METTL16: variants seen among roughly 807,000 people sequenced by gnomAD.
METTL16 encodes the protein methyltransferase 16, RNA N6-adenosine.
In METTL16, 19 loss-of-function variants were observed where a neutral mutation model predicts 57.9. The observed-to-expected ratio is 0.33, with a 90% CI of 0.23 to 0.48. The LOEUF (loss-of-function observed/expected upper bound fraction) is 0.48, where lower values mean the gene tolerates loss of function less well. METTL16 is among the 20% of genes least tolerant of loss of function. METTL16 has a pLI of 0.99. For synonymous variants in METTL16, 246 were observed against 255.6 expected, an observed-to-expected ratio of 0.96 and a Z score of 0.36; for missense variants, 434 against 691.5, an observed-to-expected ratio of 0.63 and a Z score of 4.18.
intron 6 of METTL16, among the ~76,000 whole-genome samples, chr17:2,462,271 G>A (rs1006571993): frequency 1.3e-5 from 2 of 152,162 alleles, no homozygotes; most frequent in South Asian, 4.1e-4. Flanking sequence ...AGTGCCTAGA[G>A]TAGTCAAGTT....
intron 3 of METTL16, chr17:2,475,252 G>A (rs982681544): frequency 2.6e-5 from 4 of 152,164 alleles, no homozygotes; most frequent in Non-Finnish European, 4.4e-5. Context: ...ATTTTTGCCC[G>A]AGGGTATCCT....
chr17:2,451,534 T>C (rs2067069704), intron 6 of METTL16, among the ~76,000 whole-genome samples: 1 of 150,840 alleles, frequency 6.6e-6, no homozygotes, highest in African/African-American at 2.4e-5. Context: ...AGCAGGAGAA[T>C]CGCTTGAACC....
intron 8 of METTL16, among the ~76,000 whole-genome samples, chr17:2,427,141 G>A (rs2066826145): frequency 6.6e-6 from 1 of 152,060 alleles, no homozygotes; most frequent in Non-Finnish European, 1.5e-5. Flanking sequence ...GCAAGACCCT[G>A]GCTCAAAAAT....
At chr17:2,497,069 A>ATCTCGGCTCACTGCAACGGCACG (rs2067450915) in intron 2 of METTL16, among the ~76,000 whole-genome samples, 1 of 151,392 alleles carries the variant, frequency 6.6e-6, no homozygotes, top group African/African-American at 2.5e-5. Context: ...GCAGTGGCAC[A>ATCTCGGCTCACTGCAACGGCACG]ATCTCGGCTC....
Position 2,418,338 on chromosome 17 carries a change from C to G in METTL16, c.*1632G>C, listed in dbSNP as rs546026567. The G allele has an allele frequency of 6.6e-6, 1 of 152,448 alleles. No homozygotes were observed. The highest frequency in any genetic ancestry group is 1.9e-4 in the East Asian group (1 of 5,192). The allele number at this position is 152,448 out of a possible 1,614,324, so 9.4% of individuals were successfully genotyped here. A position where few individuals can be genotyped will look rare whatever the true frequency, so the allele number is the denominator to read the frequency against. On this transcript the variant is annotated 3_prime_UTR_variant, in exon 10 of 10. Coordinates refer to ENST00000263092, the MANE Select transcript of METTL16 (RefSeq NM_024086.4). ...GGGAGTAGTGGCTCACGGCTGTAAT[C>G]CCAGCACTTTGGGAGGCCAAGGTGG... is the stretch of plus-strand genomic sequence containing the variant.
rs2066731836 is a variant in METTL16 at position 2,417,829 on chromosome 17, C to T, written c.*2141G>A. On this transcript the variant is annotated 3_prime_UTR_variant, in exon 10 of 10. Transcript: ENST00000263092. ...TTCCAAATCTTTAATGAGCATGTGC[C>T]ACTCTTTCATAATGAAACAAGCAAA... The T allele has an allele frequency of 6.6e-6, 1 of 152,160 alleles. No individual in the cohort carries two copies. The highest frequency in any genetic ancestry group is 2.4e-5 in the African/African-American group (1 of 41,440). The allele number at this position is 152,160 out of a possible 1,614,324, so 9.4% of individuals were successfully genotyped here. A position where few individuals can be genotyped will look rare whatever the true frequency, so the allele number is the denominator to read the frequency against.
chr17:2,419,871 C>T lies in METTL16; in HGVS notation c.*99G>A, dbSNP rs980773903. 27 of 1,400,602 alleles carry T rather than the reference C, an allele frequency of 1.9e-5. No homozygotes were observed. Among genetic ancestry groups the T allele is most frequent in the South Asian group, 1.3e-4 (10 of 79,022 alleles). The allele number at this position is 1,400,602 out of a possible 1,614,324, so 86.8% of individuals were successfully genotyped here. On this transcript the variant is annotated 3_prime_UTR_variant, in exon 10 of 10. Coordinates refer to ENST00000263092, the MANE Select transcript of METTL16 (RefSeq NM_024086.4). ...TTTGTTTTCGAAGATAATTCCACAT[C>T]GTGCTACTAATGGGCCGCTGGTAGG...
intron 8 of METTL16, among the ~76,000 whole-genome samples, chr17:2,424,904 C>T (rs929590732): frequency 2.0e-5 from 3 of 151,570 alleles, no homozygotes; most frequent in African/African-American, 7.3e-5. Context: ...GCAGAGATCG[C>T]GCCACTGCAC....
intron 3 of METTL16, 30 bp downstream of exon 3, chr17:2,477,654 GTT>G: frequency 6.5e-7 from 1 of 1,528,872 alleles, no homozygotes. Flanking sequence ...TATGAAAACT[GTT>G]TAGCCAAAAA....
rs755521104 is a variant in METTL16, at chr17:2,423,259, A to AGG, written c.889-2357_889-2356dup. On this transcript the variant is annotated intron_variant, in intron 8 of 9. Coordinates refer to ENST00000263092, the MANE Select transcript of METTL16 (RefSeq NM_024086.4). ...ACTGTTAGGGAAGGATAAAAAACAA[A>AGG]GGGTGTGTGTGTGTGTGTGTGTGTG... Among the ~76,000 whole-genome samples the AGG allele has an allele frequency of 4.2e-3, 366 of 87,178 alleles. 1 individual carries two copies. Among genetic ancestry groups the AGG allele is most frequent in the African/African-American group, 0.014 (312 of 22,672 alleles). 57.2% of individuals were successfully genotyped at this position (87,178 alleles called of 152,430 possible). A position where few individuals can be genotyped will look rare whatever the true frequency, so the allele number is the denominator to read the frequency against.
chr17:2,439,909 C>A (rs1238915986), intron 7 of METTL16, among the ~76,000 whole-genome samples: 1 of 152,092 alleles, frequency 6.6e-6, no homozygotes, highest in East Asian at 1.9e-4. Flanking sequence ...AGACACAGGT[C>A]AGGTGCATGG....
chr17:2,504,429 T>C (rs1360204279), intron 1 of METTL16, among the ~76,000 whole-genome samples: 1 of 151,996 alleles, frequency 6.6e-6, no homozygotes, highest in Non-Finnish European at 1.5e-5. Flanking sequence ...GAGTGAGTCT[T>C]TTTTTTTAAA....
At chr17:2,446,927 G>A (rs1294548990) in intron 6 of METTL16, among the ~76,000 whole-genome samples, 4 of 151,602 alleles carry the variant, frequency 2.6e-5, no homozygotes, top group African/African-American at 9.7e-5. Context: ...ATCTCGGCTC[G>A]CTACAGCCTC....
chr17:2,506,245 T>TCCCTCC (rs1160161144), intron 1 of METTL16, among the ~76,000 whole-genome samples: 6 of 126,178 alleles, frequency 4.8e-5, no homozygotes, highest in South Asian at 3.0e-4. Flanking sequence ...CCTCTCCCTC[T>TCCCTCC]CCCTCCCCCT....
rs752332818 is a variant in METTL16 at position 2,477,705 on chromosome 17, G to A, written c.309C>T (p.Leu103=). The stretch of plus-strand genomic sequence containing the variant: ...ATATACCTATGTCAATTCCTCTTCG[G>A]AGAGTACTTTTGTCAGAATCCTGGT... ...IGHQDSDKST[L]RRGIDIGTGA... Residue 103 remains leucine (L), a synonymous_variant, in exon 3 of 10, where the codon CTC becomes CTT. Coordinates refer to ENST00000263092, the MANE Select transcript of METTL16 (RefSeq NM_024086.4). 27 of 1,613,286 alleles carry A rather than the reference G, an allele frequency of 1.7e-5. No homozygotes were observed. Among genetic ancestry groups the A allele is most frequent in the Non-Finnish European group, 2.2e-5 (26 of 1,179,256 alleles).
chr17:2,480,531 G>T (rs1487099619), intron 2 of METTL16, among the ~76,000 whole-genome samples: 1 of 152,170 alleles, frequency 6.6e-6, no homozygotes, highest in Non-Finnish European at 1.5e-5. Context: ...CCAGACCTTG[G>T]TTTCCAAATA....
intron 1 of METTL16, among the ~76,000 whole-genome samples, chr17:2,507,718 G>T (rs1300190064): frequency 1.3e-5 from 2 of 152,246 alleles, no homozygotes; most frequent in Non-Finnish European, 1.5e-5. Flanking sequence ...TGAGAAATCG[G>T]ATGGTTGCCG....
At chr17:2,507,214 C>A (rs1202423188) in intron 1 of METTL16, among the ~76,000 whole-genome samples, 1 of 149,242 alleles carries the variant, frequency 6.7e-6, no homozygotes, top group Non-Finnish European at 1.5e-5. Flanking sequence ...GGGTCAGCCC[C>A]CCGCCCGGCC....
At chr17:2,507,500 G>A (rs1597477310) in intron 1 of METTL16, among the ~76,000 whole-genome samples, 3 of 148,414 alleles carry the variant, frequency 2.0e-5, no homozygotes, top group Admixed American at 1.3e-4. Flanking sequence ...CCGGGAGGGA[G>A]GTGGGGGGGT....
Sources: gnomAD v4.1 joint callset for allele counts (sites outside exome capture counted in the v4.1 genomes callset) on GRCh38, gnomAD v4.1.1 for gene constraint, MANE v1.5 for transcripts, NCBI Gene and HGNC (gene_info 2026-07-23, HGNC 2026-07-21) for gene names.